SPAG17: variants seen among roughly 807,000 people sequenced by gnomAD.
SPAG17 encodes the protein sperm-associated antigen 17.
Under a neutral mutation model 273.6 loss-of-function variants are expected in SPAG17, and 169 were observed. The ratio of observed to expected loss-of-function variants is 0.62; its 90% CI spans 0.55 to 0.70. SPAG17 has a LOEUF of 0.70. Among genes scored for constraint, SPAG17 ranks in the 30% least tolerant of loss-of-function variants. The pLI, the probability that SPAG17 is intolerant of heterozygous loss-of-function variation, is 0.00. For missense variants in SPAG17, 2,557 were observed against 2,627.8 expected (o/e 0.97, Z 0.59); for synonymous variants, 825 against 873.2 (o/e 0.94, Z 0.97).
chr1:118,061,408 G>T (rs1652278143), intron 18 of SPAG17, among the ~76,000 whole-genome samples: 1 of 152,164 alleles, frequency 6.6e-6, no homozygotes, highest in Non-Finnish European at 1.5e-5. Context: ...AAACCTAGAG[G>T]ATATTATGCT....
chr1:117,959,450 C>T (rs755876032), intron 48 of SPAG17: 27 of 1,593,210 alleles, frequency 1.7e-5, no homozygotes, highest in Non-Finnish European at 2.0e-5. Context: ...TGACTTAGAA[C>T]TGAAATGTGG....
At chr1:117,998,929 C>A (rs1215035980) in intron 32 of SPAG17, among the ~76,000 whole-genome samples, 2 of 151,922 alleles carry the variant, frequency 1.3e-5, no homozygotes, top group Non-Finnish European at 2.9e-5. Flanking sequence ...TTTGCTGCAC[C>A]CATCAACCTG....
intron 13 of SPAG17, among the ~76,000 whole-genome samples, chr1:118,083,540 A>G (rs538242409): frequency 6.6e-6 from 1 of 152,198 alleles, no homozygotes; most frequent in Non-Finnish European, 1.5e-5. Context: ...TAATCCCAGC[A>G]CTTTGGGAAA....
intron 20 of SPAG17, among the ~76,000 whole-genome samples, chr1:118,045,776 T>C (rs1353760942): frequency 6.6e-6 from 1 of 152,036 alleles, no homozygotes; most frequent in Non-Finnish European, 1.5e-5. Context: ...ATCTACGAGG[T>C]CTGTGCTAAC....
rs371420766 is a variant in SPAG17, at chr1:118,019,492, C to T, written c.4070-3310G>A. ...AAAAAAAATAAATAAAAGTTCAAGG[C>T]CTCTTAAATATGTTTAACTGGAATT... is the stretch of plus-strand genomic sequence containing the variant. On this transcript the variant is annotated intron_variant, in intron 28 of 48. Transcript: ENST00000336338. 7.2e-5 allele frequency among the ~76,000 whole-genome samples: 11 copies of T among 151,840 alleles called. No homozygotes were observed. The East Asian group carries it at 2.1e-3, about 29-fold the overall frequency.
At chr1:118,127,947 C>A (rs1281157929) in intron 3 of SPAG17, among the ~76,000 whole-genome samples, 3 of 151,994 alleles carry the variant, frequency 2.0e-5, no homozygotes, top group Admixed American at 1.3e-4. Flanking sequence ...CATGGTGAAA[C>A]CCTGTCTCTA....
chr1:117,987,170 G>A (rs548223446), intron 40 of SPAG17, among the ~76,000 whole-genome samples: 59 of 152,148 alleles, frequency 3.9e-4, no homozygotes, highest in African/African-American at 1.3e-3. Flanking sequence ...GTCATGTCAC[G>A]CAAAACTTAA....
chr1:118,008,022 C>T, intron 31 of SPAG17, 22 bp downstream of exon 31: 1 of 1,613,512 alleles, frequency 6.2e-7, no homozygotes, highest in Non-Finnish European at 8.5e-7. Context: ...TTTGGCGCTT[C>T]TCATTTTCCT....
At chr1:117,970,568 C>A (rs1408200861) in intron 45 of SPAG17, among the ~76,000 whole-genome samples, 1 of 152,160 alleles carries the variant, frequency 6.6e-6, no homozygotes, top group Non-Finnish European at 1.5e-5. Flanking sequence ...AGAGGAGAAA[C>A]AGAAAGGCTC....
Position 118,025,351 on chromosome 1 carries a change from C to T in SPAG17, c.3796G>A (p.Val1266Met). Residue 1266 changes from valine to methionine, a missense_variant, in exon 27 of 49, where the codon GTG becomes ATG. Val to Met is a conservative substitution (Grantham distance 21). Coordinates refer to ENST00000336338, the MANE Select transcript of SPAG17 (RefSeq NM_206996.4). Reference protein sequence around the residue: ...IMVRQSYPQRVKHYEFYKTVM... With the variant: ...IMVRQSYPQRMKHYEFYKTVM... ...GTTTTATAGAACTCATAGTGCTTCA[C>T]CCTCTGGGGGTAGCTCTGACGGACC... 6.2e-7 allele frequency: 1 copy of T among 1,612,966 alleles called. No individual in the cohort carries two copies. The highest frequency in any genetic ancestry group is 1.1e-5 in the South Asian group (1 of 90,950).
intron 40 of SPAG17, 34 bp from the exon 41 acceptor site, chr1:117,984,816 A>C (rs780015229): frequency 7.4e-7 from 1 of 1,343,638 alleles, no homozygotes; most frequent in Non-Finnish European, 1.1e-6. Context: ...GCAAAAGAAG[A>C]CATAGAATAT....
chr1:118,051,995 A>G (rs369090031), intron 20 of SPAG17, among the ~76,000 whole-genome samples: 3 of 138,596 alleles, frequency 2.2e-5, no homozygotes, highest in African/African-American at 7.9e-5. Flanking sequence ...TTATGTATGT[A>G]TATATACACA....
chr1:118,118,006 A>G (rs1325030352), intron 3 of SPAG17, among the ~76,000 whole-genome samples: 1 of 152,252 alleles, frequency 6.6e-6, no homozygotes, highest in African/African-American at 2.4e-5. Context: ...ATGTTTACAA[A>G]TTAATTTCAT....
At chr1:118,055,995 T>A (rs1267897329) in intron 18 of SPAG17, 81 bp from the exon 19 acceptor site, 3 of 1,174,754 alleles carry the variant, frequency 2.6e-6, no homozygotes, top group Non-Finnish European at 3.6e-6. Flanking sequence ...GCAAATAAAC[T>A]TTTTGCTCAT....
At chr1:118,061,110 T>C (rs892440619) in intron 18 of SPAG17, among the ~76,000 whole-genome samples, 1 of 152,154 alleles carries the variant, frequency 6.6e-6, no homozygotes, top group African/African-American at 2.4e-5. Flanking sequence ...GGTAGGAATG[T>C]AGAAAGGTGC....
intron 33 of SPAG17, 24 bp from the exon 34 acceptor site, chr1:117,996,524 ATCACT>A (rs1344706698): frequency 3.7e-6 from 6 of 1,608,306 alleles, no homozygotes; most frequent in Non-Finnish European, 4.2e-6. Flanking sequence ...TAAAAATATA[ATCACT>A]TCAAGTATTC....
At chr1:118,058,032 A>G (rs995672537) in intron 18 of SPAG17, among the ~76,000 whole-genome samples, 2 of 152,096 alleles carry the variant, frequency 1.3e-5, no homozygotes, top group Non-Finnish European at 2.9e-5. Context: ...GATTAATACT[A>G]CATAGAAATT....
rs566978619 is a variant in SPAG17 at position 118,011,702 on chromosome 1, C to A, written c.4432+526G>T. Among the ~76,000 whole-genome samples, 48 of 151,944 alleles carry A rather than the reference C, an allele frequency of 3.2e-4. 1 individual carries two copies. The South Asian group carries it at 3.8e-3, about 12-fold the overall frequency. On this transcript the variant is annotated intron_variant, in intron 30 of 48. Transcript: ENST00000336338. ...CTATATTACAAACCTGTACATGTACCCCTTAACTTAAAAGTTTTAAATAAA... is the reference window on the plus strand; with the variant it reads ...CTATATTACAAACCTGTACATGTACACCTTAACTTAAAAGTTTTAAATAAA...
At chr1:118,081,344 G>A in intron 14 of SPAG17, 25 bp from the exon 15 acceptor site, 1 of 1,610,978 alleles carries the variant, frequency 6.2e-7, no homozygotes, top group East Asian at 2.2e-5. Context: ...GAACATCCAT[G>A]AGATACAATA....
Sources: gnomAD v4.1 joint callset for allele counts (sites outside exome capture counted in the v4.1 genomes callset) on GRCh38, gnomAD v4.1.1 for gene constraint, MANE v1.5 for transcripts, NCBI Gene and HGNC (gene_info 2026-07-23, HGNC 2026-07-21) for gene names.